The following EXT1 variants were observed in gnomAD, a reference collection of about 807,000 sequenced individuals.
EXT1 encodes the protein exostosin glycosyltransferase 1, also known as exostosin-1.
Under a neutral mutation model 82.5 loss-of-function variants are expected in EXT1, and 20 were observed. The ratio of observed to expected loss-of-function variants is 0.24; its 90% CI spans 0.17 to 0.35. The LOEUF is 0.35. EXT1 is among the 10% of genes least tolerant of loss of function. The pLI, the probability that EXT1 is intolerant of heterozygous loss-of-function variation, is 1.00. For missense variants in EXT1, 757 were observed against 936.5 expected, an observed-to-expected ratio of 0.81 and a Z score of 2.50; for synonymous variants, 348 against 350.8, an observed-to-expected ratio of 0.99 and a Z score of 0.09.
At chr8:117,873,023 G>A (rs1252835069) in intron 1 of EXT1, among the ~76,000 whole-genome samples, 2 of 152,146 alleles carry the variant, frequency 1.3e-5, no homozygotes, top group African/African-American at 2.4e-5. Flanking sequence ...CCCAAATACC[G>A]ATGGGATGAT....
intron 1 of EXT1, among the ~76,000 whole-genome samples, chr8:117,939,783 T>A (rs4876777): frequency 1.3e-5 from 2 of 152,000 alleles, no homozygotes; most frequent in African/African-American, 4.8e-5. Context: ...GAGTTGTGCA[T>A]ACATCTGTCT....
rs1361131364 is a variant in EXT1, at chr8:117,833,018, A to AAT, written c.1164+2424_1164+2425dup. 3.3e-5 allele frequency among the ~76,000 whole-genome samples: 5 copies of AAT among 152,362 alleles called. No individual in the cohort carries two copies. In the East Asian group the frequency reaches 9.6e-4, roughly 29 times the overall value. ...GCTCTCTTGGTGACATGATGACAAG[A>AAT]ATATATGCAAATAAAAACATCCCAG... On this transcript the variant is annotated intron_variant, in intron 3 of 10. Transcript: ENST00000378204.
chr8:117,870,850 A>ACACACACACACACACACAC (rs1563586222), intron 1 of EXT1, among the ~76,000 whole-genome samples: 59 of 89,666 alleles, frequency 6.6e-4, no homozygotes, highest in African/African-American at 5.2e-3. Flanking sequence ...CACACACACA[A>ACACACACACACACACACAC]AAGATTGAAG....
chr8:117,877,699 C>T (rs904087602), intron 1 of EXT1, among the ~76,000 whole-genome samples: 6 of 152,082 alleles, frequency 3.9e-5, no homozygotes, highest in African/African-American at 1.2e-4. Flanking sequence ...CAGCCCCTCC[C>T]GCTTAAATCA....
At chr8:118,041,925 G>A (rs1316239487) in intron 1 of EXT1, among the ~76,000 whole-genome samples, 2 of 150,256 alleles carry the variant, frequency 1.3e-5, no homozygotes, top group African/African-American at 4.9e-5. Context: ...TCCAGCCTGG[G>A]TGACAGAGCG....
intron 1 of EXT1, among the ~76,000 whole-genome samples, chr8:117,956,493 G>A (rs1157649041): frequency 1.3e-5 from 2 of 152,120 alleles, no homozygotes; most frequent in Non-Finnish European, 2.9e-5. Context: ...TGTCGCCCAG[G>A]CTGGAGTGGT....
At chr8:117,812,173 T>C (rs1197994843) in intron 8 of EXT1, among the ~76,000 whole-genome samples, 1 of 152,250 alleles carries the variant, frequency 6.6e-6, no homozygotes, top group Non-Finnish European at 1.5e-5. Context: ...CATTTTTATA[T>C]AGCTGTCTTT....
chr8:117,831,142 C>T (rs923494905), intron 3 of EXT1, among the ~76,000 whole-genome samples: 1 of 152,150 alleles, frequency 6.6e-6, no homozygotes, highest in African/African-American at 2.4e-5. Flanking sequence ...GGTAGTATAA[C>T]TGAATGGTCA....
At chr8:118,078,385 A>G (rs2445903) in intron 1 of EXT1, among the ~76,000 whole-genome samples, 35,254 of 151,572 alleles carry the variant, frequency 0.23, 4,583 homozygotes, top group East Asian at 0.47. Context: ...TTTTAGTAGA[A>G]ACGGGGTTTC....
At position 117,930,833 on chromosome 8, in the gene EXT1, ACAGCATGCGGTAAAGATGC is replaced by A. The variant is rs376203220; in HGVS notation, c.963-93651_963-93633del. The stretch of plus-strand genomic sequence containing the variant: ...ATGTCACAAAGACCTTGCTGATAAA[ACAGCATGCGGTAAAGATGC>A]CAGCCAAATCCCACCAAAACCAAGA... On this transcript the variant is annotated intron_variant, in intron 1 of 10. Coordinates refer to ENST00000378204, the MANE Select transcript of EXT1 (RefSeq NM_000127.3). 7.4e-3 allele frequency among the ~76,000 whole-genome samples: 1,129 copies of A among 152,326 alleles called. 12 individuals are homozygous for A. Among genetic ancestry groups the A allele is most frequent in the African/African-American group, 0.026 (1,086 of 41,572 alleles).
chr8:117,898,137 T>G (rs949535245), intron 1 of EXT1, among the ~76,000 whole-genome samples: 2 of 152,246 alleles, frequency 1.3e-5, no homozygotes, highest in Admixed American at 1.3e-4. Context: ...AACTTCCTGT[T>G]GTCTCCCATG....
At chr8:117,815,852 C>T (rs1458393945) in intron 7 of EXT1, among the ~76,000 whole-genome samples, 2 of 151,574 alleles carry the variant, frequency 1.3e-5, no homozygotes, top group South Asian at 2.1e-4. Flanking sequence ...ATCGCTTGAA[C>T]CCAGGAGGCG....
At position 118,110,863 on chromosome 8, in the gene EXT1, G is replaced by T. The variant is rs373794512; in HGVS notation, c.184C>A (p.Leu62Met). Residue 62 changes from leucine (L) to methionine (M), a missense_variant, in exon 1 of 11, where the codon CTG (leucine) becomes ATG (methionine). Leu to Met is a conservative substitution (Grantham distance 15). Transcript: ENST00000378204. ...DHFWPRFPDA[L>M]RPFVPWDQLE... Reference sequence around the variant, plus strand: ...TGATCCCAAGGAACGAAGGGGCGCAGAGCGTCCGGGAAGCGGGGCCAGAAA... The same window carrying T: ...TGATCCCAAGGAACGAAGGGGCGCATAGCGTCCGGGAAGCGGGGCCAGAAA... 1 of 1,613,064 alleles carries T rather than the reference G, an allele frequency of 6.2e-7. No individual in the cohort carries two copies. Among genetic ancestry groups the T allele is most frequent in the Non-Finnish European group, 8.5e-7 (1 of 1,179,222 alleles).
rs1314995485 is a variant in EXT1, at chr8:117,874,091, T to C, written c.963-36890A>G. 2.6e-5 allele frequency among the ~76,000 whole-genome samples: 4 copies of C among 152,324 alleles called. No individual in the cohort carries two copies. In the East Asian group the frequency reaches 5.8e-4, roughly 22 times the overall value. Reference sequence around the variant, plus strand: ...AGCAGCTGGTGAGTAAATTTGGGTATAATGAGCCAGTCTAGTTCATTCTAA... The same window carrying C: ...AGCAGCTGGTGAGTAAATTTGGGTACAATGAGCCAGTCTAGTTCATTCTAA... On this transcript the variant is annotated intron_variant, in intron 1 of 10. Coordinates refer to ENST00000378204, the MANE Select transcript of EXT1 (RefSeq NM_000127.3).
rs1170409554 is a variant in EXT1 at position 118,009,510 on chromosome 8, T to A, written c.962+100575A>T. 2.0e-5 allele frequency among the ~76,000 whole-genome samples: 3 copies of A among 152,166 alleles called. No individual in the cohort carries two copies. In the East Asian group the frequency reaches 5.8e-4, roughly 29 times the overall value. On this transcript the variant is annotated intron_variant, in intron 1 of 10. Coordinates refer to ENST00000378204, the MANE Select transcript of EXT1 (RefSeq NM_000127.3). The stretch of plus-strand genomic sequence containing the variant: ...TTCCAGACTCCAAAAGGGCAAGCAA[T>A]ATTTGCATATACCAACACTGGGTCT...
Position 118,110,869 on chromosome 8 carries a change from C to T in EXT1, c.178G>A (p.Asp60Asn). Residue 60 changes from aspartate to asparagine, a missense_variant, in exon 1 of 11, where the codon GAC becomes AAC. Physicochemically the swap from Asp to Asn is conservative, Grantham distance 23. Around this residue, in one of 4 missense-constraint regions of EXT1, gnomAD observed 175 missense variants for 159.0 expected, o/e 1.10. Coordinates refer to ENST00000378204, the MANE Select transcript of EXT1 (RefSeq NM_000127.3). ...CAAGGAACGAAGGGGCGCAGAGCGT[C>T]CGGGAAGCGGGGCCAGAAATGATCC... ...SPDHFWPRFP[D>N]ALRPFVPWDQ... 1 of 1,613,102 alleles carries T rather than the reference C, an allele frequency of 6.2e-7. No homozygotes were observed. The highest frequency in any genetic ancestry group is 8.5e-7 in the Non-Finnish European group (1 of 1,179,198).
At chr8:118,109,442 A>AATGCATGC (rs66559930) in intron 1 of EXT1, among the ~76,000 whole-genome samples, 3 of 150,444 alleles carry the variant, frequency 2.0e-5, no homozygotes, top group Non-Finnish European at 4.4e-5. Context: ...TGAATGAATG[A>AATGCATGC]ATGCATGCAT....
At chr8:117,938,830 G>T (rs546542706) in intron 1 of EXT1, among the ~76,000 whole-genome samples, 21 of 152,294 alleles carry the variant, frequency 1.4e-4, no homozygotes, top group African/African-American at 5.1e-4. Context: ...ATAAATAAGT[G>T]TTAACACATA....
intron 1 of EXT1, among the ~76,000 whole-genome samples, chr8:118,051,381 C>T (rs987951222): frequency 1.3e-5 from 2 of 152,146 alleles, no homozygotes; most frequent in Non-Finnish European, 2.9e-5. Context: ...ATTCAGTTTA[C>T]ATATTAGCAT....
Sources: gnomAD v4.1 joint callset for allele counts (sites outside exome capture counted in the v4.1 genomes callset) on GRCh38, gnomAD v4.1.1 for gene constraint, gnomAD v4.1.1 regional missense constraint, MANE v1.5 for transcripts, NCBI Gene and HGNC (gene_info 2026-07-23, HGNC 2026-07-21) for gene names.